Variants in MYT1L observed in about 807,000 individuals in gnomAD.
MYT1L encodes myelin transcription factor 1 like.
MYT1L carries 12 observed loss-of-function variants against 126.7 expected under a neutral mutation model. The observed-to-expected ratio is 0.09, with a 90% CI of 0.06 to 0.15. The LOEUF (loss-of-function observed/expected upper bound fraction) is 0.15, where lower values mean the gene tolerates loss of function less well. Ranked by LOEUF, MYT1L falls within the 10% of genes least tolerant of loss-of-function variation. The pLI, the probability that MYT1L is intolerant of heterozygous loss-of-function variation, is 1.00. For synonymous variants in MYT1L, 541 were observed against 604.2 expected (o/e 0.90, Z 1.53); for missense variants, 979 against 1,585.2 (o/e 0.62, Z 6.49).
chr2:1,826,111 T>TGA (rs1221658296), intron 21 of MYT1L: 30 of 152,332 alleles, frequency 2.0e-4, no homozygotes, highest in African/African-American at 6.8e-4. Flanking sequence ...AGTTGGACTG[T>TGA]GAGCTCCAGG....
intron 3 of MYT1L, among the ~76,000 whole-genome samples, chr2:2,075,415 C>T (rs150287470): frequency 8.2e-4 from 125 of 152,174 alleles, no homozygotes; most frequent in Middle Eastern, 3.4e-3. Flanking sequence ...CATCTGGACC[C>T]CTAGGTTAAG....
chr2:2,199,527 G>T (rs147016002), intron 2 of MYT1L, among the ~76,000 whole-genome samples: 1 of 152,258 alleles, frequency 6.6e-6, no homozygotes, highest in Non-Finnish European at 1.5e-5. Flanking sequence ...AAAGGGTGAG[G>T]GTCTCAGGAC....
intron 21 of MYT1L, among the ~76,000 whole-genome samples, chr2:1,832,179 G>A (rs1459093469): frequency 6.6e-6 from 1 of 152,040 alleles, no homozygotes; most frequent in Non-Finnish European, 1.5e-5. Flanking sequence ...TGATCTGATG[G>A]GATCAGAGTC....
chr2:2,123,038 T>C (rs2081259458), intron 3 of MYT1L, among the ~76,000 whole-genome samples: 1 of 152,042 alleles, frequency 6.6e-6, no homozygotes, highest in Non-Finnish European at 1.5e-5. Context: ...TTGAGGGGTT[T>C]TCAGGGCACG....
chr2:1,922,371 C>T lies in MYT1L; in HGVS notation c.1398G>A (p.Glu466=). The T allele has an allele frequency of 6.2e-7, 1 of 1,613,986 alleles. No homozygotes were observed. Among genetic ancestry groups the T allele is most frequent in the Non-Finnish European group, 8.5e-7 (1 of 1,179,890 alleles). ...AGRRDNMRSY[E]DQSPRQLPGE... is the part of the protein sequence containing the mutation. ...CGGGAAGTTGTCTCGGAGACTGGTC[C>T]TCATATGACCTCATATTGTCCCTCC... is the stretch of plus-strand genomic sequence containing the variant. The change falls in exon 10 of 25, where the codon GAG becomes GAA. Residue 466 remains glutamate (E), a synonymous_variant. Coordinates refer to ENST00000647738, the MANE Select transcript of MYT1L (RefSeq NM_001303052.2). The surrounding 1 kb of genome is among the most constrained non-coding windows in gnomAD (Gnocchi z 7.4).
chr2:1,851,870 C>CCA (rs1442669035), intron 18 of MYT1L, among the ~76,000 whole-genome samples, 167 bp from the exon 19 acceptor site: 1 of 152,096 alleles, frequency 6.6e-6, no homozygotes, highest in African/African-American at 2.4e-5. Context: ...GTCACCATGA[C>CCA]CACACACACA....
At position 1,937,549 on chromosome 2, in the gene MYT1L, C is replaced by T. The variant is rs1355950307; in HGVS notation, c.505+5433G>A. On this transcript the variant is annotated intron_variant, in intron 9 of 24. Coordinates refer to ENST00000647738, the MANE Select transcript of MYT1L (RefSeq NM_001303052.2). Reference sequence around the variant, plus strand: ...GCCCTAATGTCCGCAGCCATCAGATCGCACAGTGAGAAGGCCCTAATGTCC... The same window carrying T: ...GCCCTAATGTCCGCAGCCATCAGATTGCACAGTGAGAAGGCCCTAATGTCC... Among the ~76,000 whole-genome samples the T allele has an allele frequency of 8.6e-5, 13 of 151,894 alleles. No homozygotes were observed. In the East Asian group the frequency reaches 9.7e-4, roughly 11 times the overall value.
At chr2:1,976,368 G>A (rs1259137819) in intron 8 of MYT1L, among the ~76,000 whole-genome samples, 2 of 152,196 alleles carry the variant, frequency 1.3e-5, no homozygotes, top group Admixed American at 6.5e-5. Context: ...AGGGCCAGGC[G>A]AGGTGGCTCA....
intron 2 of MYT1L, among the ~76,000 whole-genome samples, chr2:2,262,478 G>C (rs2094995898): frequency 6.6e-6 from 1 of 151,962 alleles, no homozygotes; most frequent in Admixed American, 6.6e-5. Flanking sequence ...GGATCACAAG[G>C]TCAGGAGGTC....
At chr2:2,002,821 T>A (rs2062533884) in intron 4 of MYT1L, among the ~76,000 whole-genome samples, 1 of 151,686 alleles carries the variant, frequency 6.6e-6, no homozygotes, top group Non-Finnish European at 1.5e-5. Context: ...TGATAGAGAG[T>A]GAGTTTCAAG....
chr2:2,257,189 C>G (rs2094837637), intron 2 of MYT1L, among the ~76,000 whole-genome samples: 2 of 152,116 alleles, frequency 1.3e-5, no homozygotes, highest in South Asian at 4.2e-4. Flanking sequence ...AGAATAATCG[C>G]CATTCCCGAA....
rs117939058 is a variant in MYT1L at position 2,244,760 on chromosome 2, T to C, written c.-421+39644A>G. Among the ~76,000 whole-genome samples, 73 of 152,262 alleles carry C rather than the reference T, an allele frequency of 4.8e-4. No homozygotes were observed. The East Asian group carries it at 4.9e-3, about 10-fold the overall frequency. ...CCCTTGGCAAGACACGATACCTCCA[T>C]AGGGTGACTGAATGGGCTGCCCTGC... On this transcript the variant is annotated intron_variant, in intron 2 of 24. Transcript: ENST00000647738.
At chr2:2,216,576 T>C (rs1264907730) in intron 2 of MYT1L, among the ~76,000 whole-genome samples, 2 of 152,132 alleles carry the variant, frequency 1.3e-5, no homozygotes, top group African/African-American at 4.8e-5. Context: ...AGAACAAGTA[T>C]CAATGACTTC....
In MYT1L at chr2:1,848,146, C is replaced by A; in HGVS notation, c.2774+3495G>T. ...GGAGGACAGCTCCTCACCCAGTTTC[C>A]CAGAATGGGCCCAGGAGAAGGCTGG... On this transcript the variant is annotated intron_variant, in intron 19 of 24. Transcript: ENST00000647738. The surrounding 1 kb of genome is among the most constrained non-coding windows in gnomAD (Gnocchi z 4.8). Among the ~76,000 whole-genome samples, 1 of 152,204 alleles carries A rather than the reference C, an allele frequency of 6.6e-6. No homozygotes were observed. The highest frequency in any genetic ancestry group is 1.9e-4 in the East Asian group (1 of 5,194).
intron 4 of MYT1L, among the ~76,000 whole-genome samples, chr2:2,041,558 C>T (rs1247886671): frequency 1.3e-5 from 2 of 152,194 alleles, no homozygotes; most frequent in Non-Finnish European, 2.9e-5. Context: ...GAAAAATTTT[C>T]TGTTCCAGCT....
intron 3 of MYT1L, among the ~76,000 whole-genome samples, chr2:2,147,652 C>T (rs544486890): frequency 3.3e-5 from 5 of 152,294 alleles, no homozygotes; most frequent in African/African-American, 4.8e-5. Flanking sequence ...ACCCGCAGGA[C>T]GGGGGGCGGG....
At chr2:2,327,047 T>C (rs1048022882) in intron 1 of MYT1L, 1 of 152,164 alleles carries the variant, frequency 6.6e-6, no homozygotes, top group Non-Finnish European at 1.5e-5. Flanking sequence ...AAAAAATGGA[T>C]AGCTGTTGCC....
chr2:1,866,976 GAGAGA>G (rs2045654149), intron 18 of MYT1L, among the ~76,000 whole-genome samples: 1 of 137,526 alleles, frequency 7.3e-6, no homozygotes, highest in African/African-American at 2.8e-5. Flanking sequence ...AGAGGGAGGA[GAGAGA>G]GAGAGAGAGA....
intron 3 of MYT1L, among the ~76,000 whole-genome samples, chr2:2,164,147 T>C (rs906774617): frequency 6.6e-6 from 1 of 152,220 alleles, no homozygotes; most frequent in African/African-American, 2.4e-5. Flanking sequence ...TTGATTGTGG[T>C]GATGCAGTAA....
Sources: allele counts gnomAD v4.1 joint callset (sites outside exome capture counted in the v4.1 genomes callset), GRCh38; gene constraint gnomAD v4.1.1; non-coding constraint Gnocchi (gnomAD v3.1); transcripts MANE v1.5; gene names NCBI Gene and HGNC (gene_info 2026-07-23, HGNC 2026-07-21).